Variants in ABTB3 observed in about 807,000 individuals in gnomAD.
ABTB3 encodes the protein ankyrin repeat- and BTB/POZ domain-containing protein 3.
chr12:107,340,600 C>T, the ABTB3 span, among the ~76,000 whole-genome samples: 8 of 151,778 alleles, frequency 5.3e-5, no homozygotes, highest in Non-Finnish European at 1.0e-4. Context: ...TGTGACTCCT[C>T]GTTTTTTTTT....
chr12:107,410,239 A>AG, the ABTB3 span, among the ~76,000 whole-genome samples: 3 of 151,972 alleles, frequency 2.0e-5, no homozygotes, highest in South Asian at 6.2e-4. Context: ...AAAAAAAAAA[A>AG]AAAAAAGTCA....
At chr12:107,440,435 T>C in the ABTB3 span, among the ~76,000 whole-genome samples, 1 of 152,264 alleles carries the variant, frequency 6.6e-6, no homozygotes, top group Non-Finnish European at 1.5e-5. Context: ...CCTTCCTGCT[T>C]CAGAAGGGCA....
chr12:107,446,557 G>A, the ABTB3 span, among the ~76,000 whole-genome samples: 5 of 152,276 alleles, frequency 3.3e-5, no homozygotes, highest in Admixed American at 1.3e-4. Context: ...CTCATGTAGA[G>A]CAAGGAAGCA....
At chr12:107,645,853 G>A in the ABTB3 span, among the ~76,000 whole-genome samples, 3 of 152,184 alleles carry the variant, frequency 2.0e-5, no homozygotes, top group Non-Finnish European at 4.4e-5. Context: ...TCGCGTTACT[G>A]TAATGGGAAG....
At chr12:107,562,023 A>C in the ABTB3 span, among the ~76,000 whole-genome samples, 2 of 152,172 alleles carry the variant, frequency 1.3e-5, no homozygotes, top group African/African-American at 4.8e-5. Context: ...GTGGCATAAT[A>C]GCTTCTTTTC....
chr12:107,579,648 G>T, the ABTB3 span, among the ~76,000 whole-genome samples: 1 of 152,170 alleles, frequency 6.6e-6, no homozygotes, highest in Admixed American at 6.5e-5. Flanking sequence ...TTCTCAAGGG[G>T]GCTGGCTGAC....
the ABTB3 span, among the ~76,000 whole-genome samples, chr12:107,532,756 A>G: frequency 2.0e-5 from 3 of 152,210 alleles, no homozygotes; most frequent in Non-Finnish European, 4.4e-5. Flanking sequence ...CACAGAAAAA[A>G]TTTAAAACAG....
chr12:107,466,205 C>G, the ABTB3 span, among the ~76,000 whole-genome samples: 1 of 151,932 alleles, frequency 6.6e-6, no homozygotes. Flanking sequence ...AGGAGGGGCC[C>G]AAGCAAGGGA....
the ABTB3 span, among the ~76,000 whole-genome samples, chr12:107,463,536 G>A: frequency 2.6e-5 from 4 of 152,240 alleles, no homozygotes; most frequent in African/African-American, 4.8e-5. Flanking sequence ...AAGGCACAGC[G>A]GGGTTAAGCA....
chr12:107,593,652 G>A, the ABTB3 span, among the ~76,000 whole-genome samples: 1 of 152,168 alleles, frequency 6.6e-6, no homozygotes, highest in African/African-American at 2.4e-5. Context: ...AGTTATAATG[G>A]ACATTCAAAA....
the ABTB3 span, among the ~76,000 whole-genome samples, chr12:107,359,595 C>G: frequency 6.6e-6 from 1 of 151,934 alleles, no homozygotes. Flanking sequence ...CCAGGCAGCC[C>G]GAGTGTTATT....
the ABTB3 span, chr12:107,635,315 A>G: frequency 6.2e-7 from 1 of 1,613,838 alleles, no homozygotes; most frequent in Admixed American, 1.7e-5. Flanking sequence ...GCTGTGCGTC[A>G]TCTTCACACA....
the ABTB3 span, chr12:107,612,677 G>A: frequency 2.6e-6 from 3 of 1,143,104 alleles, no homozygotes; most frequent in South Asian, 3.0e-5. Flanking sequence ...CGGAGCACAA[G>A]CATGGCCTCC....
chr12:107,611,392 G>C, the ABTB3 span, among the ~76,000 whole-genome samples: 1 of 152,050 alleles, frequency 6.6e-6, no homozygotes, highest in Non-Finnish European at 1.5e-5. Flanking sequence ...CACTGCCCAG[G>C]CTTGTCTTGA....
the ABTB3 span, chr12:107,640,394 T>G: frequency 6.3e-7 from 1 of 1,588,634 alleles, no homozygotes. Context: ...CAAAGTGCTG[T>G]TATTTACAGC....
the ABTB3 span, among the ~76,000 whole-genome samples, chr12:107,352,484 G>T: frequency 6.6e-6 from 1 of 152,212 alleles, no homozygotes; most frequent in African/African-American, 2.4e-5. Flanking sequence ...TTGTTTTCAG[G>T]GCAGTGGGCA....
chr12:107,551,604 C>A, the ABTB3 span, among the ~76,000 whole-genome samples: 1 of 152,208 alleles, frequency 6.6e-6, no homozygotes, highest in African/African-American at 2.4e-5. Flanking sequence ...AATACAACCA[C>A]ACTCATTTGT....
At chr12:107,563,116 C>T in the ABTB3 span, among the ~76,000 whole-genome samples, 15 of 152,284 alleles carry the variant, frequency 9.9e-5, no homozygotes, top group Middle Eastern at 3.4e-3. Flanking sequence ...GCCTGGTTCT[C>T]ATTAAATCTT....
the ABTB3 span, among the ~76,000 whole-genome samples, chr12:107,386,978 CTTT>C: frequency 0.14 from 19,365 of 133,840 alleles, 1,698 homozygotes; most frequent in African/African-American, 0.25. Context: ...CAGCTACATT[CTTT>C]TTTTTTTTTT....
Sources: allele counts gnomAD v4.1 joint callset (sites outside exome capture counted in the v4.1 genomes callset), GRCh38; gene constraint gnomAD v4.1.1; transcripts MANE v1.5; gene names NCBI Gene and HGNC (gene_info 2026-07-23, HGNC 2026-07-21).